Variants in TMC2 observed in about 807,000 individuals in gnomAD.
TMC2 encodes transmembrane channel-like protein 2.
In TMC2, 102 loss-of-function variants were observed where a neutral mutation model predicts 105.9. That is an observed-to-expected ratio of 0.96 (90% confidence interval 0.82 to 1.14). TMC2 has a LOEUF of 1.14. Among genes scored for constraint, TMC2 ranks in the 50% most tolerant of loss-of-function variants. The pLI is 0.00. For synonymous variants in TMC2, 402 were observed against 422.8 expected (o/e 0.95, Z 0.60); for missense variants, 1,093 against 1,134.3 (o/e 0.96, Z 0.52).
At chr20:2,576,242 A>G (rs1468732780) in intron 5 of TMC2, among the ~76,000 whole-genome samples, 1 of 152,150 alleles carries the variant, frequency 6.6e-6, no homozygotes, top group East Asian at 1.9e-4. Context: ...CCATCCTAGG[A>G]CCAGCAGCAA....
At chr20:2,568,506 GA>G (rs1372015291) in intron 4 of TMC2, among the ~76,000 whole-genome samples, 4 of 152,188 alleles carry the variant, frequency 2.6e-5, no homozygotes, top group African/African-American at 9.7e-5. Context: ...ACAGAGAGAA[GA>G]GAAGCGTTTG....
At chr20:2,587,804 T>C (rs1432516447) in intron 7 of TMC2, among the ~76,000 whole-genome samples, 1 of 152,212 alleles carries the variant, frequency 6.6e-6, no homozygotes, top group Non-Finnish European at 1.5e-5. Context: ...CAATACATTG[T>C]TATTAACTAT....
At chr20:2,626,858 AT>A (rs2086568451) in intron 17 of TMC2, among the ~76,000 whole-genome samples, 1 of 152,172 alleles carries the variant, frequency 6.6e-6, no homozygotes, top group African/African-American at 2.4e-5. Flanking sequence ...GAAAAAAAGG[AT>A]TTGTTTTAAA....
chr20:2,637,161 G>A (rs566210262), intron 18 of TMC2, among the ~76,000 whole-genome samples: 15 of 151,884 alleles, frequency 9.9e-5, no homozygotes, highest in Admixed American at 4.6e-4. Context: ...GGCCGAGGCC[G>A]GTGGATCACC....
chr20:2,542,712 T>G (rs2085897635), intron 2 of TMC2, among the ~76,000 whole-genome samples: 1 of 151,072 alleles, frequency 6.6e-6, no homozygotes, highest in Non-Finnish European at 1.5e-5. Flanking sequence ...TTTTTTTTTT[T>G]TGACAGAGTC....
chr20:2,592,248 G>T lies in TMC2; in HGVS notation c.835-62G>T. On this transcript the variant is annotated intron_variant, in intron 7 of 19. Coordinates refer to ENST00000358864, the MANE Select transcript of TMC2 (RefSeq NM_080751.3). The surrounding 1 kb of genome is among the most constrained non-coding windows in gnomAD (Gnocchi z 4.9). ...AAGGAAAGCATTTACCCCAGTATAT[G>T]AATGTCTCTGTGTGTTTGTATTTCC... 9.4e-7 allele frequency: 1 copy of T among 1,066,984 alleles called. No homozygotes were observed. Among genetic ancestry groups the T allele is most frequent in the Non-Finnish European group, 1.5e-6 (1 of 687,006 alleles). The allele number at this position is 1,066,984 out of a possible 1,614,324, so 66.1% of individuals were successfully genotyped here.
rs16987592 is a variant in TMC2 at position 2,613,216 on chromosome 20, C to G, written c.1766C>G (p.Ser589Cys). The change falls in exon 14 of 20, where the codon TCT (serine) becomes TGT (cysteine). Residue 589 changes from serine to cysteine, a missense_variant. Transcript: ENST00000358864. ...VGIEFMRLTV[S>C]DMLVTYITIL... ...CAGGAATTCATGAGGCTGACGGTGT[C>G]TGACATGCTGGTAACGTACATCACC... 1 of 1,613,854 alleles carries G rather than the reference C, an allele frequency of 6.2e-7. No individual in the cohort carries two copies. Among genetic ancestry groups the G allele is most frequent in the Middle Eastern group, 1.7e-4 (1 of 6,060 alleles).
intron 4 of TMC2, among the ~76,000 whole-genome samples, chr20:2,564,218 T>C (rs1456541146): frequency 7.5e-6 from 1 of 134,092 alleles, no homozygotes; most frequent in East Asian, 2.4e-4. Flanking sequence ...TGGCACAATC[T>C]CGGCTCACTG....
At position 2,585,529 on chromosome 20, in the gene TMC2, C is replaced by T. The variant is rs117626862; in HGVS notation, c.834+5473C>T. On this transcript the variant is annotated intron_variant, in intron 7 of 19. Transcript: ENST00000358864. ...CTGGCTTGGGGTCTCCCACAGCCTA[C>T]GGTCTAGGTTTTGACCAAGGCTACA... Among the ~76,000 whole-genome samples, 658 of 152,318 alleles carry T rather than the reference C, an allele frequency of 4.3e-3. 3 individuals are homozygous for T. Among genetic ancestry groups the T allele is most frequent in the Middle Eastern group, 0.01 (3 of 294 alleles).
At chr20:2,597,338 A>T (rs777499070) in intron 10 of TMC2, 40 bp downstream of exon 10, 5 of 1,597,368 alleles carry the variant, frequency 3.1e-6, no homozygotes, top group Non-Finnish European at 4.3e-6. Flanking sequence ...GGAGAACTCT[A>T]GGTCCCTCTG....
chr20:2,619,303 G>T (rs951835093), intron 16 of TMC2, among the ~76,000 whole-genome samples: 1 of 152,098 alleles, frequency 6.6e-6, no homozygotes, highest in Non-Finnish European at 1.5e-5. Context: ...GCGTGCTCTG[G>T]AAGGAATGTA....
rs762456920 is a variant in TMC2, at chr20:2,558,886, C to A, written c.401+112C>A. The stretch of plus-strand genomic sequence containing the variant: ...CCCCCCTCCCCGGGGAGAGGCAGCC[C>A]GTGCCCTCGCTCTGGCTTCCGTGCC... On this transcript the variant is annotated intron_variant, in intron 3 of 19. Transcript: ENST00000358864. The surrounding 1 kb of genome is among the most constrained non-coding windows in gnomAD (Gnocchi z 4.6). The A allele has an allele frequency of 5.3e-6, 6 of 1,137,206 alleles. No homozygotes were observed. The Admixed American group carries it at 8.8e-5, about 17-fold the overall frequency. The allele number at this position is 1,137,206 out of a possible 1,614,324, so 70.4% of individuals were successfully genotyped here.
intron 17 of TMC2, among the ~76,000 whole-genome samples, chr20:2,627,345 C>T (rs558029589): frequency 2.0e-5 from 3 of 152,346 alleles, no homozygotes; most frequent in Admixed American, 2.0e-4. Context: ...CTCTGCTCTT[C>T]AGCCTCTCTG....
chr20:2,578,697 C>T (rs556519040), intron 5 of TMC2, among the ~76,000 whole-genome samples: 3 of 150,602 alleles, frequency 2.0e-5, no homozygotes, highest in African/African-American at 7.4e-5. Flanking sequence ...TGCAATTTTG[C>T]GACAGTTCCT....
At chr20:2,622,549 T>A (rs2086532909) in intron 16 of TMC2, among the ~76,000 whole-genome samples, 1 of 152,028 alleles carries the variant, frequency 6.6e-6, no homozygotes, top group South Asian at 2.1e-4. Flanking sequence ...CTGCCTGTAA[T>A]CCACCAGGCA....
rs2086618078 is a variant in TMC2 at position 2,633,373 on chromosome 20, C to T, written c.2307-2553C>T. Reference sequence around the variant, plus strand: ...AGCCTTACACATCATGCACACAGTTCTCTATAGATTCCCAGGAATATTTCA... The same window carrying T: ...AGCCTTACACATCATGCACACAGTTTTCTATAGATTCCCAGGAATATTTCA... On this transcript the variant is annotated intron_variant, in intron 17 of 19. Coordinates refer to ENST00000358864, the MANE Select transcript of TMC2 (RefSeq NM_080751.3). 4.6e-5 allele frequency among the ~76,000 whole-genome samples: 7 copies of T among 152,216 alleles called. No homozygotes were observed. In the South Asian group the frequency reaches 1.4e-3, roughly 32 times the overall value.
At chr20:2,639,885 T>C (rs967407514) in intron 19 of TMC2, among the ~76,000 whole-genome samples, 3 of 152,220 alleles carry the variant, frequency 2.0e-5, no homozygotes, top group African/African-American at 7.2e-5. Context: ...CCAGAGATCA[T>C]CTCTGTTTTA....
chr20:2,564,295 C>T (rs978566725), intron 4 of TMC2, among the ~76,000 whole-genome samples: 52 of 151,898 alleles, frequency 3.4e-4, no homozygotes, highest in Non-Finnish European at 7.4e-5. Context: ...GGACTACAGG[C>T]GCCCACCACC....
intron 11 of TMC2, among the ~76,000 whole-genome samples, chr20:2,604,827 G>C (rs1235694758): frequency 6.6e-6 from 1 of 152,176 alleles, no homozygotes; most frequent in East Asian, 1.9e-4. Flanking sequence ...GAGTGGGCCT[G>C]GAAGCTCCAA....
Sources: allele counts gnomAD v4.1 joint callset (sites outside exome capture counted in the v4.1 genomes callset), GRCh38; gene constraint gnomAD v4.1.1; non-coding constraint Gnocchi (gnomAD v3.1); transcripts MANE v1.5; gene names NCBI Gene and HGNC (gene_info 2026-07-23, HGNC 2026-07-21).